The following CNTN5 variants were observed in gnomAD, a reference collection of about 807,000 sequenced individuals.
CNTN5 encodes contactin 5, also known as contactin-5.
Under a neutral mutation model 129.1 loss-of-function variants are expected in CNTN5, and 77 were observed. That is an observed-to-expected ratio of 0.60 (90% CI 0.50 to 0.72). CNTN5 has a LOEUF of 0.72. Among genes scored for constraint, CNTN5 ranks in the 30% least tolerant of loss-of-function variants. The pLI is 0.00. For missense variants in CNTN5, 1,478 were observed against 1,328.8 expected, an observed-to-expected ratio of 1.11 and a Z score of -1.75; for synonymous variants, 509 against 465.6, an observed-to-expected ratio of 1.09 and a Z score of -1.20.
intron 8 of CNTN5, among the ~76,000 whole-genome samples, chr11:99,963,466 A>G (rs980181503): frequency 4.6e-5 from 7 of 151,960 alleles, no homozygotes; most frequent in African/African-American, 1.7e-4. Flanking sequence ...TCAGATGATT[A>G]TAGATATGCA....
intron 1 of CNTN5, among the ~76,000 whole-genome samples, chr11:99,079,072 C>A (rs1470029174): frequency 6.6e-6 from 1 of 151,940 alleles, no homozygotes; most frequent in East Asian, 1.9e-4. Context: ...AATATATATA[C>A]CCATCTACCT....
In CNTN5 at chr11:100,088,612, T is replaced by C. The variant is rs1451438192; in HGVS notation, c.1580+14318T>C. 2.0e-5 allele frequency among the ~76,000 whole-genome samples: 3 copies of C among 152,138 alleles called. No homozygotes were observed. In the South Asian group the frequency reaches 6.2e-4, roughly 31 times the overall value. ...CCTCAGAGACTATTATGAACACCTC[T>C]ATGCACACAAATCAGAATATCTAGA... On this transcript the variant is annotated intron_variant, in intron 13 of 24. Coordinates refer to ENST00000524871, the MANE Select transcript of CNTN5 (RefSeq NM_014361.4).
At chr11:99,680,407 C>T (rs1041612273) in intron 3 of CNTN5, among the ~76,000 whole-genome samples, 2 of 152,060 alleles carry the variant, frequency 1.3e-5, no homozygotes, top group Non-Finnish European at 2.9e-5. Flanking sequence ...AATCCTGGAC[C>T]TCTTAAAAGT....
intron 18 of CNTN5, among the ~76,000 whole-genome samples, chr11:100,289,323 C>A (rs1208678075): frequency 1.3e-5 from 2 of 152,108 alleles, no homozygotes; most frequent in Non-Finnish European, 2.9e-5. Flanking sequence ...GAATTTTAGA[C>A]CAATATCCTT....
At chr11:99,576,447 A>T (rs1949353666) in intron 3 of CNTN5, among the ~76,000 whole-genome samples, 1 of 152,096 alleles carries the variant, frequency 6.6e-6, no homozygotes, top group South Asian at 2.1e-4. Flanking sequence ...TTGACATATA[A>T]CCCTTTTGGT....
intron 3 of CNTN5, among the ~76,000 whole-genome samples, chr11:99,608,237 C>G (rs1950489030): frequency 6.6e-6 from 1 of 152,062 alleles, no homozygotes; most frequent in Non-Finnish European, 1.5e-5. Context: ...CCCATCTATG[C>G]TGCATACTAG....
At chr11:100,305,641 G>A (rs1011253781) in intron 20 of CNTN5, among the ~76,000 whole-genome samples, 9 of 151,570 alleles carry the variant, frequency 5.9e-5, no homozygotes, top group Admixed American at 2.0e-4. Flanking sequence ...TGCCCAAAGC[G>A]AATGGCCAGT....
At chr11:99,231,138 G>C (rs988001705) in intron 1 of CNTN5, among the ~76,000 whole-genome samples, 5 of 152,064 alleles carry the variant, frequency 3.3e-5, no homozygotes, top group Non-Finnish European at 7.4e-5. Context: ...CTTTATAATA[G>C]AACAATTTAT....
intron 13 of CNTN5, among the ~76,000 whole-genome samples, chr11:100,126,042 C>T (rs1946171008): frequency 6.6e-6 from 1 of 151,890 alleles, no homozygotes; most frequent in African/African-American, 2.4e-5. Context: ...TGATTTCTGC[C>T]TTAATTTTGT....
At chr11:100,227,227 T>A (rs1271861587) in intron 16 of CNTN5, among the ~76,000 whole-genome samples, 1 of 152,164 alleles carries the variant, frequency 6.6e-6, no homozygotes, top group Non-Finnish European at 1.5e-5. Flanking sequence ...TTCTCTTTGA[T>A]GGACGGGAAC....
chr11:99,811,017 T>G lies in CNTN5; in HGVS notation c.56-8527T>G, dbSNP rs981506337. ...CATTTGGTACTATAATTTATTTATATTTTTACACAAGAGCCTAAACAGACA... is the reference window on the plus strand; with the variant it reads ...CATTTGGTACTATAATTTATTTATAGTTTTACACAAGAGCCTAAACAGACA... On this transcript the variant is annotated intron_variant, in intron 3 of 24. Coordinates refer to ENST00000524871, the MANE Select transcript of CNTN5 (RefSeq NM_014361.4). Among the ~76,000 whole-genome samples the G allele has an allele frequency of 4.6e-5, 7 of 152,222 alleles. No individual in the cohort carries two copies. The East Asian group carries it at 1.2e-3, about 25-fold the overall frequency.
At chr11:99,144,821 CT>C (rs924484463) in intron 1 of CNTN5, among the ~76,000 whole-genome samples, 1 of 151,644 alleles carries the variant, frequency 6.6e-6, no homozygotes, top group Non-Finnish European at 1.5e-5. Flanking sequence ...TTTAAAATTT[CT>C]TTTTATCGCC....
intron 1 of CNTN5, among the ~76,000 whole-genome samples, chr11:99,163,985 G>A (rs560036329): frequency 6.6e-6 from 1 of 152,254 alleles, no homozygotes; most frequent in East Asian, 1.9e-4. Context: ...AAAAAGCTCA[G>A]CTGACTTATC....
chr11:100,034,285 A>G (rs55914184), intron 9 of CNTN5, among the ~76,000 whole-genome samples: 14,161 of 152,302 alleles, frequency 0.093, 854 homozygotes, highest in East Asian at 0.2. Context: ...GGCCCATGGT[A>G]GAAGTCCAAT....
At chr11:99,795,208 G>T (rs1190413420) in intron 3 of CNTN5, among the ~76,000 whole-genome samples, 1 of 152,146 alleles carries the variant, frequency 6.6e-6, no homozygotes, top group African/African-American at 2.4e-5. Flanking sequence ...AGTTTGATCA[G>T]TTCTGCTGTT....
At chr11:100,127,872 G>A (rs1946246550) in intron 13 of CNTN5, among the ~76,000 whole-genome samples, 1 of 151,652 alleles carries the variant, frequency 6.6e-6, no homozygotes, top group Admixed American at 6.6e-5. Flanking sequence ...TCTTGGCCAG[G>A]CTGGTCTTGA....
intron 4 of CNTN5, among the ~76,000 whole-genome samples, chr11:99,831,657 G>C (rs1216507929): frequency 6.6e-6 from 1 of 152,078 alleles, no homozygotes. Flanking sequence ...GTGCTTTGCA[G>C]CTTCTCTGTT....
intron 1 of CNTN5, among the ~76,000 whole-genome samples, chr11:99,182,556 T>C (rs1015946353): frequency 2.6e-5 from 4 of 151,986 alleles, no homozygotes; most frequent in African/African-American, 7.3e-5. Flanking sequence ...ACATGGTGAG[T>C]GTATCAAGAA....
At chr11:99,299,548 T>C (rs1004169620) in intron 1 of CNTN5, among the ~76,000 whole-genome samples, 1 of 152,118 alleles carries the variant, frequency 6.6e-6, no homozygotes, top group Admixed American at 6.6e-5. Context: ...AAACAGAGTC[T>C]CAAAGACATG....
Sources: allele counts gnomAD v4.1 joint callset (sites outside exome capture counted in the v4.1 genomes callset), GRCh38; gene constraint gnomAD v4.1.1; transcripts MANE v1.5; gene names NCBI Gene and HGNC (gene_info 2026-07-23, HGNC 2026-07-21).